PLCD4: variants seen among roughly 807,000 people sequenced by gnomAD.
The protein encoded by PLCD4 is 1-phosphatidylinositol 4,5-bisphosphate phosphodiesterase delta-4.
In PLCD4, 63 loss-of-function variants were observed where a neutral mutation model predicts 90.2. That is an observed-to-expected ratio of 0.70 (90% CI 0.57 to 0.86). PLCD4 has a LOEUF of 0.86. Ranked by LOEUF, PLCD4 falls within the 40% of genes least tolerant of loss-of-function variation. The pLI, the probability that PLCD4 is intolerant of heterozygous loss-of-function variation, is 0.00. For missense variants in PLCD4, 830 were observed against 956.3 expected, an observed-to-expected ratio of 0.87 and a Z score of 1.74; for synonymous variants, 294 against 356.5, an observed-to-expected ratio of 0.82 and a Z score of 1.97.
chr2:218,636,539 A>G lies in PLCD4; in HGVS notation c.2251A>G (p.Ile751Val). ...SLRPASIFVY[I>V]CIQEGLEGDE... ...CCGCCCAGCTTCCATCTTTGTGTAT[A>G]TCTGCATCCAGGAAGGCCTGGAGGG... Residue 751 changes from isoleucine (I) to valine (V), a missense_variant, in exon 16 of 16, where the codon ATC (isoleucine) becomes GTC (valine). Transcript: ENST00000450993. The G allele has an allele frequency of 6.2e-7, 1 of 1,613,944 alleles. No individual in the cohort carries two copies. Among genetic ancestry groups the G allele is most frequent in the Non-Finnish European group, 8.5e-7 (1 of 1,179,860 alleles).
chr2:218,625,303 C>CA (rs953673342), intron 6 of PLCD4, among the ~76,000 whole-genome samples: 68 of 120,736 alleles, frequency 5.6e-4, no homozygotes, highest in East Asian at 9.1e-4. Context: ...CTGTTTCAAA[C>CA]AAAAAAAAAA....
At chr2:218,636,182 A>G (rs1696732949) in intron 14 of PLCD4, 61 bp from the exon 15 acceptor site, 1 of 1,559,098 alleles carries the variant, frequency 6.4e-7, no homozygotes, top group African/African-American at 1.4e-5. Context: ...ACACAAGAAA[A>G]GCAACCCAGT....
intron 2 of PLCD4, 40 bp from the exon 3 acceptor site, chr2:218,615,864 C>T: frequency 6.2e-7 from 1 of 1,611,288 alleles, no homozygotes; most frequent in South Asian, 1.1e-5. Flanking sequence ...GCCTGCTACC[C>T]TCTCTGCTGG....
At chr2:218,633,921 A>G (rs986775884) in intron 11 of PLCD4, 160 bp downstream of exon 11, 2 of 1,195,240 alleles carry the variant, frequency 1.7e-6, no homozygotes, top group African/African-American at 3.1e-5. Context: ...AGTTATGAAT[A>G]GTGGCTCAAG....
Position 218,636,461 on chromosome 2 carries a change from C to A in PLCD4, c.2183-10C>A. The A allele has an allele frequency of 6.2e-7, 1 of 1,614,052 alleles. No individual in the cohort carries two copies. Among genetic ancestry groups the A allele is most frequent in the Non-Finnish European group, 8.5e-7 (1 of 1,179,902 alleles). ...CTGCCTTCCTAATGCTGTCCTCCTG[C>A]CCCTTCCAGGTTACCGCCACATTCA... On this transcript the variant is annotated splice_polypyrimidine_tract_variant and intron_variant, in intron 15 of 15. Coordinates refer to ENST00000450993, the MANE Select transcript of PLCD4 (RefSeq NM_032726.4).
In PLCD4 at chr2:218,620,509, T is replaced by A. The variant is rs528340637; in HGVS notation, c.411-961T>A. Among the ~76,000 whole-genome samples, 859 of 150,662 alleles carry A rather than the reference T, an allele frequency of 5.7e-3. 3 individuals are homozygous for A. Among genetic ancestry groups the A allele is most frequent in the Non-Finnish European group, 9.4e-3 (638 of 67,710 alleles). On this transcript the variant is annotated intron_variant, in intron 4 of 15. Transcript: ENST00000450993. Reference sequence around the variant, plus strand: ...GAGTTAGACTCTGTCTCCAAAAAAATTTTTTTTCTTTAATTATAAAAGAAT... The same window carrying A: ...GAGTTAGACTCTGTCTCCAAAAAAAATTTTTTTCTTTAATTATAAAAGAAT...
At position 218,635,855 on chromosome 2, in the gene PLCD4, T is replaced by C; in HGVS notation, c.1956T>C (p.Asp652=). The C allele has an allele frequency of 6.2e-7, 1 of 1,613,928 alleles. No homozygotes were observed. Residue 652 remains aspartate (D), a synonymous_variant, in exon 14 of 16, where the codon GAT becomes GAC. Coordinates refer to ENST00000450993, the MANE Select transcript of PLCD4 (RefSeq NM_032726.4). ...AGACCAAAGAGGGGTCCATTGTGGA[T>C]CCACTGGTGAAAGTGCAGATCTTTG... ...VDKTKEGSIV[D]PLVKVQIFGV... is the part of the protein sequence containing the mutation.
At chr2:218,611,500 G>A (rs1165458805) in intron 1 of PLCD4, among the ~76,000 whole-genome samples, 1 of 152,134 alleles carries the variant, frequency 6.6e-6, no homozygotes, top group Non-Finnish European at 1.5e-5. Context: ...CCCAGAGGTG[G>A]GAGCTAAAAT....
At position 218,615,949 on chromosome 2, in the gene PLCD4, C is replaced by T; in HGVS notation, c.68C>T (p.Pro23Leu). The change falls in exon 3 of 16, where the codon CCG (proline) becomes CTG (leucine). Residue 23 changes from proline (P) to leucine (L), a missense_variant. By Grantham distance (98) the Pro-to-Leu change is moderately conservative. Coordinates refer to ENST00000450993, the MANE Select transcript of PLCD4 (RefSeq NM_032726.4). ...TTGCTGCTGATGCAGGAAGGCATGC[C>T]GATGCGCAAGGTGAGGTCCAAAAGC... ...QDLLLMQEGMPMRKVRSKSWK... is the reference protein window; with the variant it reads ...QDLLLMQEGMLMRKVRSKSWK... The T allele has an allele frequency of 6.2e-6, 10 of 1,613,970 alleles. No homozygotes were observed. The highest frequency in any genetic ancestry group is 1.3e-5 in the African/African-American group (1 of 75,022).
intron 1 of PLCD4, among the ~76,000 whole-genome samples, chr2:218,610,362 GCCAGGCGTGGTGGCACACA>G (rs1695277383): frequency 6.6e-6 from 1 of 151,874 alleles, no homozygotes; most frequent in South Asian, 2.1e-4. Context: ...AAAAAAATTA[GCCAGGCGTGGTGGCACACA>G]CCTGTAATCC....
intron 4 of PLCD4, among the ~76,000 whole-genome samples, chr2:218,621,213 C>T (rs688423): frequency 0.99 from 150,895 of 152,358 alleles, 74,740 homozygotes; most frequent in Middle Eastern, 1. Flanking sequence ...GTTACAGGCA[C>T]GAGCCATCGC....
chr2:218,635,786 C>G lies in PLCD4; in HGVS notation c.1897-10C>G. ...CAGGAACTTGTGAGATTCCAGAGCC[C>G]TGACTACAGGTGATCAGCGGTCAGC... On this transcript the variant is annotated splice_polypyrimidine_tract_variant and intron_variant, in intron 13 of 15. Coordinates refer to ENST00000450993, the MANE Select transcript of PLCD4 (RefSeq NM_032726.4). 2 of 1,610,356 alleles carry G rather than the reference C, an allele frequency of 1.2e-6. No homozygotes were observed. The highest frequency in any genetic ancestry group is 1.7e-6 in the Non-Finnish European group (2 of 1,178,378).
At chr2:218,633,440 G>C in intron 10 of PLCD4, 165 bp from the exon 11 acceptor site, 2 of 809,888 alleles carry the variant, frequency 2.5e-6, no homozygotes, top group Non-Finnish European at 4.2e-6. Flanking sequence ...TGTGGCCCAG[G>C]CTCCTATTTC....
In PLCD4 at chr2:218,633,964, CAGAGT is replaced by C. The variant is rs1037963196; in HGVS notation, c.1607-136_1607-132del. On this transcript the variant is annotated intron_variant, in intron 11 of 15. Transcript: ENST00000450993. Reference sequence around the variant, plus strand: ...GGGCAGGAAAGCTGGTCTGGATGGACAGAGTAGAGAGGCACAGTGAAACTTTCTGG... The same window carrying C: ...GGGCAGGAAAGCTGGTCTGGATGGACAGAGAGGCACAGTGAAACTTTCTGG... The C allele has an allele frequency of 2.2e-4, 285 of 1,273,284 alleles. 3 individuals carry two copies. The highest frequency in any genetic ancestry group is 6.0e-5 in the African/African-American group (4 of 66,974). The allele number at this position is 1,273,284 out of a possible 1,614,324, so 78.9% of individuals were successfully genotyped here.
intron 14 of PLCD4, 27 bp downstream of exon 14, chr2:218,635,958 T>TG (rs1696714996): frequency 1.2e-6 from 2 of 1,613,304 alleles, no homozygotes; most frequent in East Asian, 2.2e-5. Context: ...GCTGGGGAGG[T>TG]GGGGGTAGGA....
rs1696272801 is a variant in PLCD4, at chr2:218,629,644, T to C, written c.1100T>C (p.Val367Ala). 1.9e-6 allele frequency: 3 copies of C among 1,613,486 alleles called. No individual in the cohort carries two copies. In the Admixed American group the frequency reaches 5.0e-5, roughly 27 times the overall value. ...CTGTTCAAAGATGTCGTGGCCACAG[T>C]AGCACAGTATGCCTTCCAGGTAGTA... ...RILFKDVVAT[V>A]AQYAFQTSDY... is the part of the protein sequence containing the mutation. The change falls in exon 8 of 16, where the codon GTA (valine) becomes GCA (alanine). Residue 367 changes from valine (V) to alanine (A), a missense_variant. By Grantham distance (64) the Val-to-Ala change is moderately conservative. Transcript: ENST00000450993.
rs752350380 is a variant in PLCD4 at position 218,635,902 on chromosome 2, G to A, written c.2003G>A (p.Arg668Gln). 1.4e-5 allele frequency: 23 copies of A among 1,613,858 alleles called. No homozygotes were observed. The highest frequency in any genetic ancestry group is 2.2e-5 in the East Asian group (1 of 44,884). Residue 668 changes from arginine to glutamine, a missense_variant, in exon 14 of 16, where the codon CGG becomes CAG. Physicochemically the swap from Arg to Gln is conservative, Grantham distance 43 (BLOSUM62 1). Transcript: ENST00000450993. ...QIFGVRLDTA[R>Q]QETNYVENNG... ...TTTGGCGTTCGTCTAGACACAGCAC[G>A]GCAGGAGACCAACTATGTGGAGAAC...
rs778917703 is a variant in PLCD4, at chr2:218,621,546, T to C, written c.487T>C (p.Leu163=). The C allele has an allele frequency of 6.2e-7, 1 of 1,614,008 alleles. No homozygotes were observed. The highest frequency in any genetic ancestry group is 1.1e-5 in the South Asian group (1 of 91,080). ...KMSFQEVQRL[L]HLMNVEMDQE... is the part of the protein sequence containing the mutation. ...GAGTTTCCAAGAAGTTCAGCGGTTATTGCACCTAATGAATGTGGAAATGGA... is the reference window on the plus strand; with the variant it reads ...GAGTTTCCAAGAAGTTCAGCGGTTACTGCACCTAATGAATGTGGAAATGGA... The change falls in exon 5 of 16, where the codon TTG becomes CTG. Residue 163 remains leucine (L), a synonymous_variant. Transcript: ENST00000450993.
At position 218,628,096 on chromosome 2, in the gene PLCD4, C is replaced by G; in HGVS notation, c.840C>G (p.Ile280Met). ...LSYLCSKDGDIFNPACLPIYQ... is the reference protein window; with the variant it reads ...LSYLCSKDGDMFNPACLPIYQ... ...ACCTCTGCTCTAAGGATGGAGACAT[C>G]TTCAACCCAGCCTGCCTCCCCATCT... Residue 280 changes from isoleucine to methionine, a missense_variant, in exon 7 of 16, where the codon ATC becomes ATG. Physicochemically the swap from Ile to Met is conservative, Grantham distance 10 (BLOSUM62 1). Transcript: ENST00000450993. The G allele has an allele frequency of 1.2e-6, 2 of 1,614,014 alleles. No homozygotes were observed. The highest frequency in any genetic ancestry group is 1.1e-5 in the South Asian group (1 of 91,086).
Sources: allele counts gnomAD v4.1 joint callset (sites outside exome capture counted in the v4.1 genomes callset), GRCh38; gene constraint gnomAD v4.1.1; transcripts MANE v1.5; gene names NCBI Gene and HGNC (gene_info 2026-07-23, HGNC 2026-07-21).